Variants in KANK1 observed in about 807,000 individuals in gnomAD.
KANK1 encodes the protein KN motif and ankyrin repeat domain-containing protein 1.
Under a neutral mutation model 106.2 loss-of-function variants are expected in KANK1, and 109 were observed. The ratio of observed to expected loss-of-function variants is 1.03; its 90% CI spans 0.88 to 1.20. The LOEUF (loss-of-function observed/expected upper bound fraction) is 1.20, where lower values mean the gene tolerates loss of function less well. KANK1 is among the 50% of genes most tolerant of loss of function. KANK1 has a pLI of 0.00. For synonymous variants in KANK1, 873 were observed against 652.2 expected, an observed-to-expected ratio of 1.34 and a Z score of -5.16; for missense variants, 2,399 against 1,710.7, an observed-to-expected ratio of 1.40 and a Z score of -7.10.
rs562773585 is a variant in KANK1, at chr9:599,908, T to G, written c.-83-76982T>G. On this transcript the variant is annotated intron_variant, in intron 1 of 11. Transcript: ENST00000382297. The stretch of plus-strand genomic sequence containing the variant: ...GCTTTATTTTAATGATCATTTAGTG[T>G]GGTGTTGGTGTTTTATAGTATAAAT... Among the ~76,000 whole-genome samples, 185 of 151,950 alleles carry G rather than the reference T, an allele frequency of 1.2e-3. 5 individuals are homozygous for G. The South Asian group carries it at 0.036, about 30-fold the overall frequency.
intron 4 of KANK1, 174 bp from the exon 5 acceptor site, chr9:730,982 CTT>C (rs968776299): frequency 4.9e-6 from 2 of 404,304 alleles, no homozygotes; most frequent in African/African-American, 4.2e-5. Flanking sequence ...ATTAATGGAA[CTT>C]TGAATTATTT....
chr9:567,398 A>G (rs1479523623), intron 1 of KANK1, among the ~76,000 whole-genome samples: 1 of 152,182 alleles, frequency 6.6e-6, no homozygotes, highest in Non-Finnish European at 1.5e-5. Flanking sequence ...AAGTTGATTT[A>G]GTTTTGGAAA....
chr9:581,350 G>T (rs529265102), intron 1 of KANK1, among the ~76,000 whole-genome samples: 1 of 152,196 alleles, frequency 6.6e-6, no homozygotes, highest in Non-Finnish European at 1.5e-5. Context: ...TGGCATTGGT[G>T]GCAAGTGAGA....
chr9:589,920 A>T (rs1185692486), intron 1 of KANK1, among the ~76,000 whole-genome samples: 1 of 152,186 alleles, frequency 6.6e-6, no homozygotes, highest in Non-Finnish European at 1.5e-5. Context: ...CCAAGTCGAC[A>T]GATTCTGTGA....
At chr9:739,857 G>A (rs1397594264) in intron 8 of KANK1, among the ~76,000 whole-genome samples, 2 of 150,450 alleles carry the variant, frequency 1.3e-5, no homozygotes, top group African/African-American at 2.5e-5. Context: ...AGCAGAGTCC[G>A]CAAAGTCCGA....
rs112343475 is a variant in KANK1 at position 479,367 on chromosome 9, G to A, written c.-362+6094G>A. Among the ~76,000 whole-genome samples the A allele has an allele frequency of 5.4e-3, 822 of 152,246 alleles. 8 individuals are homozygous for A. Among genetic ancestry groups the A allele is most frequent in the Non-Finnish European group, 5.6e-3 (381 of 68,020 alleles). ...CCTACAAGAACCACGCAGCCCTGAG[G>A]GCCTAAATGCAGGGGACGGGGGCTT... On this transcript the variant is annotated intron_variant, in intron 3 of 15. Coordinates refer to the KANK1 transcript ENST00000382303.
intron 1 of KANK1, among the ~76,000 whole-genome samples, chr9:657,999 C>G (rs1472998578): frequency 1.3e-5 from 2 of 151,954 alleles, no homozygotes; most frequent in Non-Finnish European, 2.9e-5. Context: ...CTCAGCCTCA[C>G]AAGTACTGGG....
intron 1 of KANK1, among the ~76,000 whole-genome samples, chr9:634,362 G>A (rs1414996241): frequency 6.6e-6 from 1 of 152,182 alleles, no homozygotes; most frequent in African/African-American, 2.4e-5. Context: ...TGAGTTATGA[G>A]TCCTGGCTCC....
At position 730,166 on chromosome 9, in the gene KANK1, C is replaced by T; in HGVS notation, c.2814C>T (p.Ser938=). The T allele has an allele frequency of 6.2e-7, 1 of 1,614,224 alleles. No homozygotes were observed. Among genetic ancestry groups the T allele is most frequent in the Non-Finnish European group, 8.5e-7 (1 of 1,180,036 alleles). Residue 938 remains serine, a synonymous_variant, in exon 4 of 12, where the codon AGC becomes AGT. Coordinates refer to ENST00000382297, the MANE Select transcript of KANK1 (RefSeq NM_015158.5). The stretch of plus-strand genomic sequence containing the variant: ...GGACCTCAGAAGGAAAGCCAATCAG[C>T]AGCCTGGATGCCTTCCCCACTCAGG... ...EVGTSEGKPI[S]SLDAFPTQEG... is the part of the protein sequence containing the mutation.
At chr9:567,484 G>A (rs561333031) in intron 1 of KANK1, among the ~76,000 whole-genome samples, 13 of 152,314 alleles carry the variant, frequency 8.5e-5, no homozygotes, top group East Asian at 7.7e-4. Flanking sequence ...CCATGCCCAG[G>A]AATGACGAAG....
chr9:685,821 A>G (rs1358113274), intron 2 of KANK1, among the ~76,000 whole-genome samples: 1 of 152,216 alleles, frequency 6.6e-6, no homozygotes, highest in Non-Finnish European at 1.5e-5. Context: ...TAGTCTCACA[A>G]TATTTGGTTT....
chr9:716,292 G>T (rs543018860), intron 3 of KANK1, among the ~76,000 whole-genome samples: 3 of 152,360 alleles, frequency 2.0e-5, no homozygotes, highest in African/African-American at 7.2e-5. Context: ...GTCAATAGGA[G>T]TAAAGCACAG....
At position 711,756 on chromosome 9, in the gene KANK1, C is replaced by G. The variant is rs781362041; in HGVS notation, c.990C>G (p.Ser330=). The change falls in exon 3 of 12, where the codon TCC becomes TCG. Residue 330 remains serine, a synonymous_variant. Transcript: ENST00000382297. Reference sequence around the variant, plus strand: ...GGTCCTATAGTGCGGGGAACGCCTCCCAGCTGGAACAGCTCTCCCGGGCCC... The same window carrying G: ...GGTCCTATAGTGCGGGGAACGCCTCGCAGCTGGAACAGCTCTCCCGGGCCC... ...RKRSYSAGNA[S]QLEQLSRARR... 6.2e-7 allele frequency: 1 copy of G among 1,614,206 alleles called. No individual in the cohort carries two copies. Among genetic ancestry groups the G allele is most frequent in the South Asian group, 1.1e-5 (1 of 91,080 alleles).
chr9:556,112 A>G (rs1352954574), intron 1 of KANK1, among the ~76,000 whole-genome samples: 5 of 152,174 alleles, frequency 3.3e-5, no homozygotes, highest in Non-Finnish European at 5.9e-5. Flanking sequence ...TTGGGGGGAA[A>G]ATACCCAAAG....
At chr9:676,670 G>C (rs1816472521) in intron 1 of KANK1, among the ~76,000 whole-genome samples, 1 of 152,146 alleles carries the variant, frequency 6.6e-6, no homozygotes, top group Non-Finnish European at 1.5e-5. Context: ...AGATTATTAT[G>C]TGTAGAGACC....
In KANK1 at chr9:711,749, A is replaced by G. The variant is rs778874813; in HGVS notation, c.983A>G (p.Asn328Ser). The G allele has an allele frequency of 2.6e-5, 42 of 1,614,068 alleles. No individual in the cohort carries two copies. Among genetic ancestry groups the G allele is most frequent in the Admixed American group, 8.3e-5 (5 of 59,990 alleles). ...GVRKRSYSAG[N>S]ASQLEQLSRA... ...AGGAAGCGGTCCTATAGTGCGGGGA[A>G]CGCCTCCCAGCTGGAACAGCTCTCC... Residue 328 changes from asparagine (N) to serine (S), a missense_variant, in exon 3 of 12, where the codon AAC becomes AGC. Transcript: ENST00000382297.
At chr9:470,888 C>A (rs1233841731) in intron 2 of KANK1, 1 of 152,286 alleles carries the variant, frequency 6.6e-6, no homozygotes, top group African/African-American at 2.4e-5. Context: ...GAGCAGCAGC[C>A]CTCTTTTTAT....
intron 1 of KANK1, among the ~76,000 whole-genome samples, chr9:627,862 C>A (rs894103950): frequency 1.3e-5 from 2 of 152,102 alleles, no homozygotes; most frequent in Admixed American, 1.3e-4. Flanking sequence ...GGGCTAGGGC[C>A]AGATGCTGGC....
intron 1 of KANK1, among the ~76,000 whole-genome samples, chr9:558,529 C>T (rs748481554): frequency 1.3e-5 from 2 of 152,108 alleles, no homozygotes; most frequent in African/African-American, 2.4e-5. Context: ...GACCTCATGG[C>T]GAAGAGCACT....
Sources: gnomAD v4.1 joint callset for allele counts (sites outside exome capture counted in the v4.1 genomes callset) on GRCh38, gnomAD v4.1.1 for gene constraint, MANE v1.5 for transcripts, NCBI Gene and HGNC (gene_info 2026-07-23, HGNC 2026-07-21) for gene names.